The following FILIP1 variants were observed in gnomAD, a reference collection of about 807,000 sequenced individuals.
FILIP1 encodes the protein filamin-A-interacting protein 1.
FILIP1 carries 61 observed loss-of-function variants against 102.1 expected under a neutral mutation model. The observed-to-expected ratio is 0.60, with a 90% CI of 0.49 to 0.74. FILIP1 has a LOEUF of 0.74. Among genes scored for constraint, FILIP1 ranks in the 30% least tolerant of loss-of-function variants. The probability of loss-of-function intolerance (pLI) is 0.00; values close to 1 mark genes in which losing one functional copy is unlikely to be tolerated. For missense variants in FILIP1, 1,314 were observed against 1,441.2 expected (o/e 0.91, Z 1.43); for synonymous variants, 491 against 526.9 (o/e 0.93, Z 0.93).
At chr6:75,360,467 G>A (rs1383616963) in intron 3 of FILIP1, among the ~76,000 whole-genome samples, 1 of 151,924 alleles carries the variant, frequency 6.6e-6, no homozygotes, top group African/African-American at 2.4e-5. Context: ...TACTAAAGGA[G>A]AAAACAAAAA....
At chr6:75,360,428 T>C (rs1174613331) in intron 3 of FILIP1, among the ~76,000 whole-genome samples, 2 of 152,136 alleles carry the variant, frequency 1.3e-5, no homozygotes, top group African/African-American at 4.8e-5. Flanking sequence ...AATACAACTT[T>C]GAAAATGCCA....
At chr6:75,438,557 T>C (rs552737158) in intron 1 of FILIP1, among the ~76,000 whole-genome samples, 2 of 152,154 alleles carry the variant, frequency 1.3e-5, no homozygotes, top group Non-Finnish European at 2.9e-5. Flanking sequence ...AAATTCACTC[T>C]TGTAACCCCT....
rs780551073 is a variant in FILIP1, at chr6:75,308,709, G to T, written c.3624C>A (p.Leu1208=). ...KKSAASSTTS[L]GGGKG The stretch of plus-strand genomic sequence containing the variant: ...ACTGCCCTCAGCCCTTCCCCCCTCC[G>T]AGAGAGGTGGTGCTGCTGGCTGCAG... Residue 1208 remains leucine, a synonymous_variant, in exon 6 of 6, where the codon CTC becomes CTA. Transcript: ENST00000237172. 1 of 1,612,912 alleles carries T rather than the reference G, an allele frequency of 6.2e-7. No individual in the cohort carries two copies. Among genetic ancestry groups the T allele is most frequent in the African/African-American group, 1.3e-5 (1 of 74,830 alleles).
chr6:75,451,393 A>G (rs112157538), intron 1 of FILIP1, among the ~76,000 whole-genome samples: 1,546 of 151,724 alleles, frequency 0.01, 40 homozygotes, highest in African/African-American at 0.036. Context: ...AAATAGGCAA[A>G]AGGTATCAAC....
rs1430843167 is a variant in FILIP1 at position 75,313,546 on chromosome 6, G to A, written c.2286C>T (p.Asn762=). 1 of 1,614,108 alleles carries A rather than the reference G, an allele frequency of 6.2e-7. No homozygotes were observed. Among genetic ancestry groups the A allele is most frequent in the Admixed American group, 1.7e-5 (1 of 59,990 alleles). The change falls in exon 5 of 6, where the codon AAC becomes AAT. Residue 762 remains asparagine, a synonymous_variant. Coordinates refer to ENST00000237172, the MANE Select transcript of FILIP1 (RefSeq NM_015687.5). The surrounding 1 kb of genome is among the most constrained non-coding windows in gnomAD (Gnocchi z 4.2). ...TGAGAACCTCCTGCCCCATGTTTTT[G>A]TTCTTATTTTCTTCTTCCATAAATC... ...QQRFMEEENK[N]KNMGQEVLNL... is the part of the protein sequence containing the mutation.
intron 1 of FILIP1, among the ~76,000 whole-genome samples, chr6:75,449,386 T>A (rs1371703355): frequency 2.0e-5 from 3 of 152,128 alleles, no homozygotes; most frequent in Admixed American, 1.3e-4. Flanking sequence ...TGTACACTGC[T>A]CGGGTGATGG....
chr6:75,461,937 G>A (rs1373425885), intron 1 of FILIP1, among the ~76,000 whole-genome samples: 1 of 152,126 alleles, frequency 6.6e-6, no homozygotes, highest in Non-Finnish European at 1.5e-5. Flanking sequence ...AGCAAGGACA[G>A]GTCCTCACTT....
chr6:75,462,576 A>G (rs1779055373), intron 1 of FILIP1, among the ~76,000 whole-genome samples: 1 of 152,088 alleles, frequency 6.6e-6, no homozygotes, highest in Non-Finnish European at 1.5e-5. Context: ...AATCTCATAT[A>G]TGTGTGTGTA....
At chr6:75,366,148 T>A (rs1023308901) in intron 2 of FILIP1, 1 of 152,216 alleles carries the variant, frequency 6.6e-6, no homozygotes, top group Admixed American at 6.5e-5. Flanking sequence ...TAATATTTAT[T>A]ATGATTTAGT....
chr6:75,371,437 C>T (rs1433336542), intron 2 of FILIP1, among the ~76,000 whole-genome samples: 2 of 152,094 alleles, frequency 1.3e-5, no homozygotes, highest in Non-Finnish European at 2.9e-5. Flanking sequence ...GTAAAATCCT[C>T]AAAATCCCAA....
intron 1 of FILIP1, among the ~76,000 whole-genome samples, chr6:75,417,341 G>A (rs138399936): frequency 3.3e-5 from 5 of 152,260 alleles, no homozygotes; most frequent in African/African-American, 1.2e-4. Flanking sequence ...TCAGCAATCA[G>A]CACCTGTTCT....
intron 1 of FILIP1, chr6:75,454,003 C>T (rs573674059): frequency 2.2e-6 from 1 of 456,668 alleles, no homozygotes; most frequent in African/African-American, 2.0e-5. Context: ...AGGCTTAAAA[C>T]AACATCCATT....
chr6:75,312,724 G>A lies in FILIP1; in HGVS notation c.3108C>T (p.Ile1036=), dbSNP rs1363619541. 1 of 1,614,164 alleles carries A rather than the reference G, an allele frequency of 6.2e-7. No homozygotes were observed. Among genetic ancestry groups the A allele is most frequent in the African/African-American group, 1.3e-5 (1 of 75,030 alleles). The part of the protein sequence containing the change: ...ESQEMPMGRT[I]LKVTPEKQTV... Reference sequence around the variant, plus strand: ...TCTGTTTTTCTGGGGTGACTTTGAGGATTGTCCGTCCCATGGGCATTTCCT... The same window carrying A: ...TCTGTTTTTCTGGGGTGACTTTGAGAATTGTCCGTCCCATGGGCATTTCCT... Residue 1036 remains isoleucine (I), a synonymous_variant, in exon 5 of 6, where the codon ATC becomes ATT. Transcript: ENST00000237172.
Position 75,312,479 on chromosome 6 carries a change from G to A in FILIP1, c.3353C>T (p.Ser1118Leu). The A allele has an allele frequency of 6.2e-7, 1 of 1,614,178 alleles. No individual in the cohort carries two copies. The highest frequency in any genetic ancestry group is 1.1e-5 in the South Asian group (1 of 91,080). ...VLRSPRNHLS[S>L]RPGASKVTST... ...CGTCACTTTGCTTGCACCAGGCCGTGAGGAGAGGTGATTCCTGGGAGAGCG... is the reference window on the plus strand; with the variant it reads ...CGTCACTTTGCTTGCACCAGGCCGTAAGGAGAGGTGATTCCTGGGAGAGCG... The change falls in exon 5 of 6, where the codon TCA becomes TTA. Residue 1118 changes from serine (S) to leucine (L), a missense_variant. By Grantham distance (145) the Ser-to-Leu change is moderately radical. Around this residue, in one of 3 missense-constraint regions of FILIP1, gnomAD observed 816 missense variants for 913.1 expected, o/e 0.89. Transcript: ENST00000237172.
intron 1 of FILIP1, among the ~76,000 whole-genome samples, chr6:75,476,701 G>A (rs1779483852): frequency 6.6e-6 from 1 of 152,106 alleles, no homozygotes; most frequent in African/African-American, 2.4e-5. Flanking sequence ...TGAAGATTCT[G>A]GCCTTTTCTT....
At chr6:75,296,061 G>T in intron 6 of FILIP1, 1 of 681,996 alleles carries the variant, frequency 1.5e-6, no homozygotes, top group Non-Finnish European at 2.1e-6. Flanking sequence ...AACAAAAACA[G>T]GTACATGAGG....
chr6:75,406,493 C>T (rs796075600), intron 2 of FILIP1, among the ~76,000 whole-genome samples: 23 of 152,182 alleles, frequency 1.5e-4, no homozygotes, highest in African/African-American at 5.5e-4. Context: ...ATACTCATTC[C>T]TGTATATTCT....
chr6:75,334,027 T>G (rs1381525131), intron 4 of FILIP1, among the ~76,000 whole-genome samples: 5 of 152,172 alleles, frequency 3.3e-5, no homozygotes, highest in African/African-American at 1.2e-4. Flanking sequence ...ACAAGCCTTT[T>G]CCACACATGC....
At chr6:75,299,015 AAAATT>A (rs952739158) in intron 6 of FILIP1, among the ~76,000 whole-genome samples, 5 of 152,168 alleles carry the variant, frequency 3.3e-5, no homozygotes, top group African/African-American at 4.8e-5. Flanking sequence ...AGCAAAAAAA[AAAATT>A]AAATAAATTT....
Sources: allele counts gnomAD v4.1 joint callset (sites outside exome capture counted in the v4.1 genomes callset), GRCh38; gene constraint gnomAD v4.1.1; regional missense constraint gnomAD v4.1.1; non-coding constraint Gnocchi (gnomAD v3.1); transcripts MANE v1.5; gene names NCBI Gene and HGNC (gene_info 2026-07-23, HGNC 2026-07-21).